The following PLXDC1 variants were observed in gnomAD, a reference collection of about 807,000 sequenced individuals.
The protein encoded by PLXDC1 is plexin domain-containing protein 1.
Under a neutral mutation model 61.3 loss-of-function variants are expected in PLXDC1, and 39 were observed. The ratio of observed to expected loss-of-function variants is 0.64; its 90% CI spans 0.49 to 0.83. The LOEUF is 0.83. PLXDC1 is among the 40% of genes least tolerant of loss of function. The probability of loss-of-function intolerance (pLI) is 0.00; values close to 1 mark genes in which losing one functional copy is unlikely to be tolerated. For synonymous variants in PLXDC1, 212 were observed against 254.5 expected (o/e 0.83, Z 1.59); for missense variants, 596 against 666.5 (o/e 0.89, Z 1.17).
At chr17:39,074,310 C>G (rs1388864700) in intron 11 of PLXDC1, among the ~76,000 whole-genome samples, 1 of 152,142 alleles carries the variant, frequency 6.6e-6, no homozygotes, top group Non-Finnish European at 1.5e-5. Flanking sequence ...TCAAGTCCAG[C>G]CTAGGTAACA....
At chr17:39,112,023 G>GTGTC (rs1598202146) in intron 2 of PLXDC1, 2 of 152,140 alleles carry the variant, frequency 1.3e-5, no homozygotes, top group East Asian at 3.9e-4. Flanking sequence ...TTTTTCCTTG[G>GTGTC]TGTCTGTCTC....
chr17:39,063,509 A>G lies in PLXDC1; in HGVS notation c.*4331T>C. On this transcript the variant is annotated 3_prime_UTR_variant, in exon 14 of 14. Coordinates refer to ENST00000315392, the MANE Select transcript of PLXDC1 (RefSeq NM_020405.5). ...GAGGCTGTTCCCACAGTCATGTCTC[A>G]GCGAAGAAGTCGGAGTTCAGCAGCC... The G allele has an allele frequency of 1.4e-6, 1 of 702,984 alleles. No individual in the cohort carries two copies. The highest frequency in any genetic ancestry group is 1.5e-5 in the South Asian group (1 of 67,586). The allele number at this position is 702,984 out of a possible 1,614,324, so 43.5% of individuals were successfully genotyped here. A position where few individuals can be genotyped will look rare whatever the true frequency, so the allele number is the denominator to read the frequency against.
In PLXDC1 at chr17:39,079,108, T is replaced by G; in HGVS notation, c.1046A>C (p.Gln349Pro). ...RQEWMDYGCAQEAEGRMCEDF... is the reference protein window; with the variant it reads ...RQEWMDYGCAPEAEGRMCEDF... ...GCAGATACTTATGCTTCTCACCTCC[T>G]GTGCACAGCCATAGTCCATCCACTC... Residue 349 changes from glutamine (Q) to proline (P), a missense_variant, in exon 10 of 14, where the codon CAG (glutamine) becomes CCG (proline). Gln to Pro is a moderately conservative substitution (Grantham distance 76, BLOSUM62 -1). Coordinates refer to ENST00000315392, the MANE Select transcript of PLXDC1 (RefSeq NM_020405.5). The G allele has an allele frequency of 6.2e-7, 1 of 1,613,564 alleles. No individual in the cohort carries two copies. Among genetic ancestry groups the G allele is most frequent in the African/African-American group, 1.3e-5 (1 of 75,046 alleles).
chr17:39,088,549 T>C (rs1202170115), intron 7 of PLXDC1, among the ~76,000 whole-genome samples: 1 of 152,202 alleles, frequency 6.6e-6, no homozygotes, highest in East Asian at 1.9e-4. Flanking sequence ...AAGGCTTCTT[T>C]TTTAAAATGA....
intron 9 of PLXDC1, 164 bp from the exon 10 acceptor site, chr17:39,079,328 G>A (rs1922176): frequency 6.1e-6 from 4 of 652,198 alleles, no homozygotes; most frequent in East Asian, 3.1e-5. Context: ...GGAAGATGAA[G>A]GTATTTGTGG....
chr17:39,152,936 C>T (rs3025196), upstream of PLXDC1: 3,362 of 341,680 alleles, frequency 9.8e-3, 103 homozygotes, highest in African/African-American at 0.065. Flanking sequence ...TGGAACAAGG[C>T]AAGGCCGGTC....
At chr17:39,070,103 GA>G in intron 12 of PLXDC1, 87 bp from the exon 13 acceptor site, 1 of 1,015,942 alleles carries the variant, frequency 9.8e-7, no homozygotes, top group Non-Finnish European at 1.5e-6. Flanking sequence ...CAAAGTCTCA[GA>G]GATGAAAGCC....
chr17:39,151,375 G>T lies in PLXDC1; in HGVS notation c.63C>A (p.Pro21=). The change falls in exon 1 of 14, where the codon CCC becomes CCA. Residue 21 remains proline (P), a synonymous_variant. Coordinates refer to ENST00000315392, the MANE Select transcript of PLXDC1 (RefSeq NM_020405.5). The surrounding 1 kb of genome is among the most constrained non-coding windows in gnomAD (Gnocchi z 5.2). ...CGCCAGTCCTACCTGCTCCGGGCTG[G>T]GGGCTCAGCGCCCGGGCAGCCTCCC... ...VLREAARALS[P]QPGAGHDEGP... 1 of 1,290,468 alleles carries T rather than the reference G, an allele frequency of 7.7e-7. No individual in the cohort carries two copies. The allele number at this position is 1,290,468 out of a possible 1,614,324, so 79.9% of individuals were successfully genotyped here. A position where few individuals can be genotyped will look rare whatever the true frequency, so the allele number is the denominator to read the frequency against.
At position 39,108,181 on chromosome 17, in the gene PLXDC1, CA is replaced by C. The variant is rs747309590; in HGVS notation, c.533del (p.Leu178ArgfsTer84). The C allele has an allele frequency of 3.7e-6, 6 of 1,614,032 alleles. No homozygotes were observed. The highest frequency in any genetic ancestry group is 1.6e-4 in the Middle Eastern group (1 of 6,078). ...MLTATQYVAP[L>X]MANFNPGYSD... ...AGTAGCCAGGGTTGAAGTTGGCCAT[CA>C]GGGGCGCCACATACTGAGTAGCTGT... is the stretch of plus-strand genomic sequence containing the variant. On this transcript the variant is annotated frameshift_variant, in exon 5 of 14. Coordinates refer to ENST00000315392, the MANE Select transcript of PLXDC1 (RefSeq NM_020405.5). LOFTEE classifies it high-confidence loss of function.
chr17:39,133,551 C>G (rs1911630933), intron 2 of PLXDC1, among the ~76,000 whole-genome samples: 3 of 152,154 alleles, frequency 2.0e-5, no homozygotes, highest in Non-Finnish European at 2.9e-5. Context: ...ATGGACCAGG[C>G]ACAGTCCCGG....
chr17:39,089,724 G>C (rs1909877098), intron 7 of PLXDC1, among the ~76,000 whole-genome samples: 1 of 152,174 alleles, frequency 6.6e-6, no homozygotes, highest in Non-Finnish European at 1.5e-5. Flanking sequence ...TGCCACTGCT[G>C]GGTGCCCCAC....
chr17:39,136,854 A>G (rs658871), intron 2 of PLXDC1, among the ~76,000 whole-genome samples: 10,169 of 152,284 alleles, frequency 0.067, 453 homozygotes, highest in East Asian at 0.13. Flanking sequence ...AAGAAGAACA[A>G]CAAGCACACT....
At chr17:39,078,750 T>C (rs1411125694) in intron 10 of PLXDC1, among the ~76,000 whole-genome samples, 3 of 152,108 alleles carry the variant, frequency 2.0e-5, no homozygotes, top group Non-Finnish European at 4.4e-5. Context: ...ACCAGAGGCT[T>C]AGCAGGTGCA....
chr17:39,129,711 G>GGAAAGAAAAGAAAGAAAGAAAGAAA (rs1911486645), intron 2 of PLXDC1, among the ~76,000 whole-genome samples: 79 of 108,332 alleles, frequency 7.3e-4, no homozygotes, highest in Admixed American at 1.3e-3. Flanking sequence ...AAAGAAAGAA[G>GGAAAGAAAAGAAAGAAAGAAAGAAA]GAAAGAAAGA....
intron 2 of PLXDC1, among the ~76,000 whole-genome samples, chr17:39,116,107 G>A (rs1910957418): frequency 6.6e-6 from 1 of 152,174 alleles, no homozygotes; most frequent in East Asian, 1.9e-4. Context: ...GACACAGTGA[G>A]ACTCCGTCTC....
At chr17:39,127,037 C>T (rs543997398) in intron 2 of PLXDC1, 1 of 152,250 alleles carries the variant, frequency 6.6e-6, no homozygotes, top group South Asian at 2.1e-4. Context: ...AAAGATAACA[C>T]CTGAAGCTTC....
intron 2 of PLXDC1, among the ~76,000 whole-genome samples, chr17:39,139,453 A>G (rs1911858740): frequency 6.6e-6 from 1 of 152,182 alleles, no homozygotes; most frequent in African/African-American, 2.4e-5. Flanking sequence ...GCAGCCTATG[A>G]AACGCTGAGA....
intron 2 of PLXDC1, among the ~76,000 whole-genome samples, chr17:39,118,656 C>T (rs1451989965): frequency 3.9e-5 from 6 of 152,184 alleles, no homozygotes; most frequent in Non-Finnish European, 7.4e-5. Flanking sequence ...TGCCCCCAGA[C>T]CCGTAGGCCC....
intron 8 of PLXDC1, among the ~76,000 whole-genome samples, chr17:39,085,664 G>T (rs529488759): frequency 1.3e-5 from 2 of 152,250 alleles, no homozygotes; most frequent in Admixed American, 1.3e-4. Context: ...CTAGAAGAGG[G>T]ACCAGGAGGG....
Sources: allele counts gnomAD v4.1 joint callset (sites outside exome capture counted in the v4.1 genomes callset), GRCh38; gene constraint gnomAD v4.1.1; non-coding constraint Gnocchi (gnomAD v3.1); transcripts MANE v1.5; gene names NCBI Gene and HGNC (gene_info 2026-07-23, HGNC 2026-07-21).